The following SLC35F4 variants were observed in gnomAD, a reference collection of about 807,000 sequenced individuals.
SLC35F4 encodes solute carrier family 35 member F4, also known as chromosome 14 open reading frame 36.
In SLC35F4, 24 loss-of-function variants were observed where a neutral mutation model predicts 44.2. The ratio of observed to expected loss-of-function variants is 0.54; its 90% CI spans 0.39 to 0.76. SLC35F4 has a LOEUF of 0.76. Ranked by LOEUF, SLC35F4 falls within the 30% of genes least tolerant of loss-of-function variation. SLC35F4 has a pLI of 0.00. For synonymous variants in SLC35F4, 238 were observed against 223.6 expected (o/e 1.06, Z -0.57); for missense variants, 562 against 586.1 (o/e 0.96, Z 0.42).
At chr14:57,787,718 G>A (rs1210977574) in intron 1 of SLC35F4, among the ~76,000 whole-genome samples, 1 of 152,212 alleles carries the variant, frequency 6.6e-6, no homozygotes. Flanking sequence ...GAGAGAATTC[G>A]CTATTACCAA....
rs534053705 is a variant in SLC35F4, at chr14:57,618,521, T to C, written c.104-24397A>G. On this transcript the variant is annotated intron_variant, in intron 1 of 7. Transcript: ENST00000556826. ...GCACTCTGGCCCAGATACTGCGCTT[T>C]TCCCATGGTCTTCACAACCCACAGA... Among the ~76,000 whole-genome samples the C allele has an allele frequency of 2.0e-5, 3 of 152,306 alleles. No individual in the cohort carries two copies. The East Asian group carries it at 5.8e-4, about 29-fold the overall frequency.
intron 1 of SLC35F4, among the ~76,000 whole-genome samples, chr14:57,893,774 T>A (rs1888819650): frequency 6.6e-6 from 1 of 152,166 alleles, no homozygotes; most frequent in African/African-American, 2.4e-5. Context: ...TTTAAAGAGT[T>A]ATGTGGAGTT....
chr14:57,878,966 C>T (rs1888460164), intron 1 of SLC35F4, among the ~76,000 whole-genome samples: 2 of 152,124 alleles, frequency 1.3e-5, no homozygotes, highest in Admixed American at 6.6e-5. Context: ...TGAACATTGA[C>T]AAACCAGCAC....
At chr14:57,586,225 A>G (rs1451109895) in intron 3 of SLC35F4, among the ~76,000 whole-genome samples, 1 of 152,226 alleles carries the variant, frequency 6.6e-6, no homozygotes, top group East Asian at 1.9e-4. Context: ...CAAGCAATGG[A>G]GGAAAGATGC....
At chr14:57,683,570 C>T (rs1434474859) in intron 1 of SLC35F4, among the ~76,000 whole-genome samples, 1 of 152,198 alleles carries the variant, frequency 6.6e-6, no homozygotes, top group Non-Finnish European at 1.5e-5. Flanking sequence ...TGAGCATCAA[C>T]TCCCAGTTGA....
chr14:57,661,879 A>C (rs8014886), intron 1 of SLC35F4, among the ~76,000 whole-genome samples: 20,602 of 152,196 alleles, frequency 0.14, 1,673 homozygotes, highest in African/African-American at 0.22. Context: ...CCACACACTG[A>C]GAACCACTCC....
intron 1 of SLC35F4, among the ~76,000 whole-genome samples, chr14:57,845,704 G>T (rs1214100623): frequency 6.6e-6 from 1 of 152,134 alleles, no homozygotes; most frequent in East Asian, 1.9e-4. Flanking sequence ...ATGTGCTGGG[G>T]TTTTACATGC....
At chr14:57,727,148 ATATG>A (rs58637291) in intron 1 of SLC35F4, among the ~76,000 whole-genome samples, 12,298 of 81,024 alleles carry the variant, frequency 0.15, 1,079 homozygotes, top group African/African-American at 0.27. Flanking sequence ...ATATATATAT[ATATG>A]TATTCTATTA....
chr14:57,637,255 T>C (rs946576664), intron 1 of SLC35F4, among the ~76,000 whole-genome samples: 1 of 152,112 alleles, frequency 6.6e-6, no homozygotes, highest in Non-Finnish European at 1.5e-5. Context: ...TCTTTTTCTA[T>C]AGGATGCTGG....
chr14:57,602,451 G>A (rs1002585546), intron 1 of SLC35F4: 1 of 152,172 alleles, frequency 6.6e-6, no homozygotes, highest in Non-Finnish European at 1.5e-5. Context: ...AATCCAAAAT[G>A]TAGTCTTGAA....
At chr14:57,880,050 A>G (rs866162180) in intron 1 of SLC35F4, among the ~76,000 whole-genome samples, 7 of 13,380 alleles carry the variant, frequency 5.2e-4, no homozygotes, top group African/African-American at 1.1e-3. Context: ...GGAAGGAAGG[A>G]AGGAAGGAAG....
chr14:57,626,827 C>T (rs1341754235), intron 1 of SLC35F4, among the ~76,000 whole-genome samples: 1 of 151,736 alleles, frequency 6.6e-6, no homozygotes, highest in Non-Finnish European at 1.5e-5. Flanking sequence ...GTTTGGTTAA[C>T]ATAAAGCTAA....
At chr14:57,788,102 A>C (rs2077814261) in intron 1 of SLC35F4, among the ~76,000 whole-genome samples, 1 of 152,234 alleles carries the variant, frequency 6.6e-6, no homozygotes, top group African/African-American at 2.4e-5. Context: ...ATGGACACCA[A>C]AACAAGCACG....
intron 1 of SLC35F4, among the ~76,000 whole-genome samples, chr14:57,944,864 T>C (rs527551514): frequency 3.9e-5 from 6 of 152,272 alleles, no homozygotes; most frequent in African/African-American, 1.4e-4. Context: ...CATAAATGCC[T>C]GATAATCACA....
At chr14:57,610,906 A>G (rs1233546893) in intron 1 of SLC35F4, among the ~76,000 whole-genome samples, 1 of 152,252 alleles carries the variant, frequency 6.6e-6, no homozygotes, top group Non-Finnish European at 1.5e-5. Flanking sequence ...AAACACATAA[A>G]CATATGGATA....
At chr14:57,978,745 A>G (rs533931755) in intron 1 of SLC35F4, among the ~76,000 whole-genome samples, 37 of 152,306 alleles carry the variant, frequency 2.4e-4, no homozygotes, top group Admixed American at 2.0e-3. Context: ...ATGTTTTCTC[A>G]CCCTGCAAAC....
intron 1 of SLC35F4, among the ~76,000 whole-genome samples, chr14:57,637,945 T>A (rs1040720712): frequency 6.6e-6 from 1 of 152,058 alleles, no homozygotes; most frequent in Non-Finnish European, 1.5e-5. Context: ...CCAGCATTAA[T>A]GTTAAAATAA....
intron 1 of SLC35F4, among the ~76,000 whole-genome samples, chr14:57,939,348 G>T (rs1889874761): frequency 6.6e-6 from 1 of 152,156 alleles, no homozygotes; most frequent in Non-Finnish European, 1.5e-5. Flanking sequence ...GAGAAGTGAA[G>T]CTAAGTCAAC....
At chr14:57,874,378 C>G (rs928667870) in intron 1 of SLC35F4, among the ~76,000 whole-genome samples, 4 of 152,200 alleles carry the variant, frequency 2.6e-5, no homozygotes, top group African/African-American at 9.6e-5. Flanking sequence ...ACATACCAGG[C>G]AATCAAAACA....
Sources: gnomAD v4.1 joint callset for allele counts (sites outside exome capture counted in the v4.1 genomes callset) on GRCh38, gnomAD v4.1.1 for gene constraint, MANE v1.5 for transcripts, NCBI Gene and HGNC (gene_info 2026-07-23, HGNC 2026-07-21) for gene names.